DIAPH3: variants seen among roughly 807,000 people sequenced by gnomAD.
DIAPH3 encodes the protein diaphanous related formin 3, also known as protein diaphanous homolog 3.
Under a neutral mutation model 144.3 loss-of-function variants are expected in DIAPH3, and 117 were observed. That is an observed-to-expected ratio of 0.81 (90% CI 0.70 to 0.95). DIAPH3 has a LOEUF of 0.95. Among genes scored for constraint, DIAPH3 ranks in the 40% least tolerant of loss-of-function variants. The pLI is 0.00. For synonymous variants in DIAPH3, 519 were observed against 488.9 expected (o/e 1.06, Z -0.81); for missense variants, 1,421 against 1,412.7 (o/e 1.01, Z -0.09).
intron 9 of DIAPH3, among the ~76,000 whole-genome samples, chr13:59,997,388 T>C (rs986674222): frequency 2.0e-5 from 3 of 152,104 alleles, no homozygotes; most frequent in South Asian, 2.1e-4. Flanking sequence ...CGTTCCTTTT[T>C]ATGGCTGAAT....
chr13:59,715,944 A>G (rs2226043), intron 27 of DIAPH3, among the ~76,000 whole-genome samples: 98,306 of 151,416 alleles, frequency 0.65, 32,290 homozygotes, highest in East Asian at 0.71. Flanking sequence ...CCTTTACAGA[A>G]AGATGAAAGT....
At chr13:59,874,722 A>G (rs921968944) in intron 21 of DIAPH3, among the ~76,000 whole-genome samples, 1 of 152,218 alleles carries the variant, frequency 6.6e-6, no homozygotes, top group Non-Finnish European at 1.5e-5. Flanking sequence ...CCAAAGAATA[A>G]CAGCATAAAT....
At chr13:59,878,519 T>C (rs928681180) in intron 21 of DIAPH3, among the ~76,000 whole-genome samples, 1 of 152,152 alleles carries the variant, frequency 6.6e-6, no homozygotes, top group Non-Finnish European at 1.5e-5. Context: ...TTTCTTCTGA[T>C]GTGTAACTGA....
chr13:60,021,665 T>C (rs1267563236), intron 5 of DIAPH3, among the ~76,000 whole-genome samples: 1 of 89,024 alleles, frequency 1.1e-5, no homozygotes, highest in Non-Finnish European at 2.1e-5. Flanking sequence ...AGGCTCTGTC[T>C]CAAAAAAAAA....
chr13:60,098,854 T>C (rs2058182814), intron 3 of DIAPH3, among the ~76,000 whole-genome samples: 1 of 152,126 alleles, frequency 6.6e-6, no homozygotes, highest in Admixed American at 6.6e-5. Context: ...TAAATATCTA[T>C]TATAGGTAAA....
intron 2 of DIAPH3, 51 bp downstream of exon 2, chr13:60,132,906 T>A: frequency 6.7e-7 from 1 of 1,488,182 alleles, no homozygotes; most frequent in Non-Finnish European, 9.4e-7. Context: ...CCATCAACGT[T>A]ATATGGTTAG....
At chr13:60,000,894 A>G (rs181202152) in intron 9 of DIAPH3, among the ~76,000 whole-genome samples, 71 of 152,314 alleles carry the variant, frequency 4.7e-4, no homozygotes, top group African/African-American at 1.6e-3. Context: ...TTCAATCTAC[A>G]TCCAAGATAA....
chr13:59,764,490 A>G (rs974786036), intron 27 of DIAPH3, among the ~76,000 whole-genome samples: 1 of 151,240 alleles, frequency 6.6e-6, no homozygotes, highest in Non-Finnish European at 1.5e-5. Flanking sequence ...TGTCCCCTCA[A>G]AAAAGATATG....
intron 27 of DIAPH3, among the ~76,000 whole-genome samples, chr13:59,701,462 C>T (rs572186939): frequency 2.0e-5 from 3 of 152,278 alleles, no homozygotes; most frequent in East Asian, 1.9e-4. Context: ...CAAATTGTAA[C>T]CTAGGTCAGT....
At chr13:59,887,954 T>C (rs930157063) in intron 20 of DIAPH3, among the ~76,000 whole-genome samples, 7 of 152,294 alleles carry the variant, frequency 4.6e-5, no homozygotes, top group African/African-American at 1.7e-4. Context: ...TGTATACTGA[T>C]ACTTCATTTC....
intron 4 of DIAPH3, among the ~76,000 whole-genome samples, chr13:60,058,906 C>G (rs2056659482): frequency 6.6e-6 from 1 of 151,756 alleles, no homozygotes; most frequent in African/African-American, 2.4e-5. Flanking sequence ...GAAAAATTAC[C>G]TTTTGGGTAC....
chr13:59,852,357 G>T (rs893063444), intron 22 of DIAPH3, among the ~76,000 whole-genome samples: 14 of 152,068 alleles, frequency 9.2e-5, no homozygotes, highest in Non-Finnish European at 1.9e-4. Flanking sequence ...ATTTCCATAT[G>T]GCATTCCTTC....
chr13:59,908,418 C>T (rs1326750562), intron 20 of DIAPH3, among the ~76,000 whole-genome samples: 2 of 131,330 alleles, frequency 1.5e-5, no homozygotes, highest in Non-Finnish European at 3.2e-5. Flanking sequence ...AGTATACAAA[C>T]TATTTCTGAT....
Position 59,992,170 on chromosome 13 carries a change from T to C in DIAPH3, c.1142A>G (p.Lys381Arg). 3 of 1,609,388 alleles carry C rather than the reference T, an allele frequency of 1.9e-6. No individual in the cohort carries two copies. The highest frequency in any genetic ancestry group is 2.5e-6 in the Non-Finnish European group (3 of 1,176,638). ...KEILPNLKCI[K>R]NDGLDIQLKV... is the part of the protein sequence containing the mutation. ...AAGTTGGATATCCAGGCCATCATTC[T>C]TAATGCATTTTAAATTCTAGAGATA... is the stretch of plus-strand genomic sequence containing the variant. Residue 381 changes from lysine (K) to arginine (R), a missense_variant, in exon 11 of 28, where the codon AAG (lysine) becomes AGG (arginine). Lys to Arg is a conservative substitution (Grantham distance 26). Transcript: ENST00000400324.
intron 25 of DIAPH3, among the ~76,000 whole-genome samples, chr13:59,810,010 G>T (rs1360471364): frequency 6.6e-6 from 1 of 151,902 alleles, no homozygotes; most frequent in African/African-American, 2.4e-5. Flanking sequence ...TAAATAAGTG[G>T]TATCTTTTAG....
chr13:59,695,860 C>G (rs1003201912), intron 27 of DIAPH3, among the ~76,000 whole-genome samples: 8 of 152,134 alleles, frequency 5.3e-5, no homozygotes, highest in African/African-American at 1.9e-4. Context: ...AAGATATGCA[C>G]TGGTACCCTT....
At chr13:60,114,691 A>T (rs1429586297) in intron 2 of DIAPH3, among the ~76,000 whole-genome samples, 1 of 151,448 alleles carries the variant, frequency 6.6e-6, no homozygotes, top group Admixed American at 6.6e-5. Context: ...ACACACACCT[A>T]CCTACCCCTA....
chr13:59,888,757 T>C (rs1295868771), intron 20 of DIAPH3, among the ~76,000 whole-genome samples: 1 of 152,116 alleles, frequency 6.6e-6, no homozygotes, highest in South Asian at 2.1e-4. Context: ...TAGCATTTCT[T>C]GTAGGGTAGG....
intron 3 of DIAPH3, among the ~76,000 whole-genome samples, chr13:60,101,576 G>A (rs562418796): frequency 1.7e-4 from 26 of 151,010 alleles, no homozygotes; most frequent in African/African-American, 5.8e-4. Context: ...TTTTAGTTGC[G>A]GTCCAAGACA....
Sources: gnomAD v4.1 joint callset for allele counts (sites outside exome capture counted in the v4.1 genomes callset) on GRCh38, gnomAD v4.1.1 for gene constraint, MANE v1.5 for transcripts, NCBI Gene and HGNC (gene_info 2026-07-23, HGNC 2026-07-21) for gene names.